DSCAM: variants seen among roughly 807,000 people sequenced by gnomAD.
DSCAM encodes the protein DS cell adhesion molecule, also known as cell adhesion molecule DSCAM.
DSCAM carries 47 observed loss-of-function variants against 217.7 expected under a neutral mutation model. That is an observed-to-expected ratio of 0.22 (90% confidence interval 0.17 to 0.28). The LOEUF (loss-of-function observed/expected upper bound fraction) is 0.28, where lower values mean the gene tolerates loss of function less well. Ranked by LOEUF, DSCAM falls within the 10% of genes least tolerant of loss-of-function variation. DSCAM has a pLI of 1.00. For synonymous variants in DSCAM, 1,056 were observed against 1,015.3 expected (o/e 1.04, Z -0.76); for missense variants, 2,080 against 2,618.3 (o/e 0.79, Z 4.49).
At chr21:40,760,006 TATTTATGA>T (rs1175988568) in intron 1 of DSCAM, among the ~76,000 whole-genome samples, 92 of 109,948 alleles carry the variant, frequency 8.4e-4, no homozygotes, top group Admixed American at 3.5e-3. Context: ...TTTATTTATT[TATTTATGA>T]GACAGAGTCT....
At chr21:40,290,994 T>C (rs1206967730) in intron 10 of DSCAM, among the ~76,000 whole-genome samples, 2 of 152,210 alleles carry the variant, frequency 1.3e-5, no homozygotes, top group African/African-American at 4.8e-5. Flanking sequence ...TCATTGCTTA[T>C]ATTGGAAATT....
chr21:40,117,382 C>A (rs13048945), intron 20 of DSCAM, among the ~76,000 whole-genome samples: 16,920 of 152,164 alleles, frequency 0.11, 1,262 homozygotes, highest in Middle Eastern at 0.19. Context: ...CAGGATGGAA[C>A]TGGGATCCCA....
At chr21:40,560,345 C>T (rs916028605) in intron 3 of DSCAM, among the ~76,000 whole-genome samples, 2 of 152,078 alleles carry the variant, frequency 1.3e-5, no homozygotes, top group African/African-American at 4.8e-5. Flanking sequence ...CAGGGGGACC[C>T]CCTGTGTGGG....
chr21:40,485,771 G>A (rs1389382781), intron 3 of DSCAM, among the ~76,000 whole-genome samples: 1 of 151,546 alleles, frequency 6.6e-6, no homozygotes, highest in Admixed American at 6.6e-5. Context: ...CTTAAATTGT[G>A]TGTCAAATGT....
intron 3 of DSCAM, among the ~76,000 whole-genome samples, chr21:40,690,735 T>C (rs1056554520): frequency 1.8e-4 from 27 of 152,146 alleles, no homozygotes; most frequent in African/African-American, 6.0e-4. Flanking sequence ...TTCACAGAGA[T>C]TGCAAAAAGG....
At chr21:40,519,527 G>T (rs1307975043) in intron 3 of DSCAM, among the ~76,000 whole-genome samples, 7 of 152,168 alleles carry the variant, frequency 4.6e-5, no homozygotes, top group Non-Finnish European at 1.0e-4. Context: ...GCAAGAAGGC[G>T]CTGTCTATGA....
chr21:40,047,670 C>A (rs561403082), intron 30 of DSCAM, among the ~76,000 whole-genome samples: 75 of 152,294 alleles, frequency 4.9e-4, no homozygotes, highest in African/African-American at 1.5e-3. Context: ...CCATATCTTG[C>A]AGTTGTGGAG....
At chr21:40,039,157 TAAAGTA>T (rs1323585121) in intron 32 of DSCAM, among the ~76,000 whole-genome samples, 3 of 147,758 alleles carry the variant, frequency 2.0e-5, no homozygotes, top group African/African-American at 7.4e-5. Flanking sequence ...CCCTGAAACT[TAAAGTA>T]TAATAATAAA....
At chr21:40,036,297 GAATCA>G (rs1417278258) in intron 32 of DSCAM, among the ~76,000 whole-genome samples, 1 of 149,540 alleles carries the variant, frequency 6.7e-6, no homozygotes, top group Non-Finnish European at 1.5e-5. Context: ...AAAGAGAGAA[GAATCA>G]AATAGATGCA....
rs1012009303 is a variant in DSCAM at position 40,012,031 on chromosome 21, C to T, written c.*1003G>A. 2 of 152,050 alleles carry T rather than the reference C, an allele frequency of 1.3e-5. No homozygotes were observed. The highest frequency in any genetic ancestry group is 4.8e-5 in the African/African-American group (2 of 41,368). The allele number at this position is 152,050 out of a possible 1,614,324, so 9.4% of individuals were successfully genotyped here. Reference sequence around the variant, plus strand: ...ATTGTGCCATGAAAGCAGCCATAGACAATAGCAAATAGTGCATGTGGCCTT... The same window carrying T: ...ATTGTGCCATGAAAGCAGCCATAGATAATAGCAAATAGTGCATGTGGCCTT... On this transcript the variant is annotated 3_prime_UTR_variant, in exon 33 of 33. Coordinates refer to ENST00000400454, the MANE Select transcript of DSCAM (RefSeq NM_001389.5).
At chr21:40,701,517 T>G (rs936117470) in intron 2 of DSCAM, among the ~76,000 whole-genome samples, 8 of 152,172 alleles carry the variant, frequency 5.3e-5, no homozygotes, top group African/African-American at 1.9e-4. Flanking sequence ...CTGAGACCAC[T>G]ATTTAAGACT....
chr21:40,337,073 C>T (rs1430086087), intron 8 of DSCAM, among the ~76,000 whole-genome samples: 1 of 151,980 alleles, frequency 6.6e-6, no homozygotes, highest in African/African-American at 2.4e-5. Flanking sequence ...ATATATATGC[C>T]CCGTAATAAT....
rs376483710 is a variant in DSCAM at position 40,272,670 on chromosome 21, G to A, written c.2356+3427C>T. Among the ~76,000 whole-genome samples the A allele has an allele frequency of 2.6e-5, 4 of 152,158 alleles. No individual in the cohort carries two copies. The East Asian group carries it at 7.7e-4, about 29-fold the overall frequency. ...TTTGGGTCTTTAAATTATGTTTACA[G>A]CCAGCACCAGGCCATCCTGGGAGTC... On this transcript the variant is annotated intron_variant, in intron 11 of 32. Transcript: ENST00000400454.
chr21:40,393,956 T>C (rs1307697114), intron 3 of DSCAM, among the ~76,000 whole-genome samples: 1 of 152,254 alleles, frequency 6.6e-6, no homozygotes, highest in African/African-American at 2.4e-5. Context: ...TTCACCATTA[T>C]AATTAAAATA....
chr21:40,287,105 A>C (rs2073837862), intron 10 of DSCAM, among the ~76,000 whole-genome samples: 1 of 151,838 alleles, frequency 6.6e-6, no homozygotes, highest in Non-Finnish European at 1.5e-5. Flanking sequence ...TATGATCCAC[A>C]GTGTGATCTC....
chr21:40,151,650 T>C (rs946359190), intron 16 of DSCAM, among the ~76,000 whole-genome samples: 1 of 152,198 alleles, frequency 6.6e-6, no homozygotes, highest in South Asian at 2.1e-4. Context: ...AAAGGACTGA[T>C]AGCAAGGGTA....
intron 1 of DSCAM, among the ~76,000 whole-genome samples, chr21:40,800,168 C>T (rs2091727124): frequency 1.3e-5 from 2 of 152,222 alleles, no homozygotes; most frequent in Admixed American, 1.3e-4. Flanking sequence ...AAGGACCTTT[C>T]AACAAAATGC....
intron 10 of DSCAM, among the ~76,000 whole-genome samples, chr21:40,280,260 T>C (rs969094930): frequency 2.7e-5 from 4 of 149,722 alleles, no homozygotes; most frequent in Non-Finnish European, 4.4e-5. Flanking sequence ...TAGCTCGCTG[T>C]GGCCTCGAAC....
chr21:40,417,552 G>T (rs1266553245), intron 3 of DSCAM, among the ~76,000 whole-genome samples: 3 of 84,174 alleles, frequency 3.6e-5, no homozygotes, highest in African/African-American at 1.2e-4. Flanking sequence ...GATATTTGAT[G>T]AAGAAAAATA....
Sources: allele counts gnomAD v4.1 joint callset (sites outside exome capture counted in the v4.1 genomes callset), GRCh38; gene constraint gnomAD v4.1.1; transcripts MANE v1.5; gene names NCBI Gene and HGNC (gene_info 2026-07-23, HGNC 2026-07-21).